Variants in EEF2 observed in about 807,000 individuals in gnomAD.
EEF2 encodes the protein elongation factor 2.
EEF2 carries 21 observed loss-of-function variants against 85.3 expected under a neutral mutation model. The observed-to-expected ratio is 0.25, with a 90% CI of 0.17 to 0.35. The LOEUF (loss-of-function observed/expected upper bound fraction) is 0.35, where lower values mean the gene tolerates loss of function less well. Among genes scored for constraint, EEF2 ranks in the 10% least tolerant of loss-of-function variants. The pLI is 1.00. For missense variants in EEF2, 825 were observed against 1,225.3 expected (o/e 0.67, Z 4.88); for synonymous variants, 723 against 508.8 (o/e 1.42, Z -5.67).
At chr19:3,978,208 G>GA in intron 11 of EEF2, 36 bp from the exon 12 acceptor site, 3 of 1,431,038 alleles carry the variant, frequency 2.1e-6, no homozygotes, top group Non-Finnish European at 2.8e-6. Flanking sequence ...CTTGCCTGGA[G>GA]AAAGAGGTGA....
In EEF2 at chr19:3,976,343, C is replaced by T. The variant is rs1007551331; in HGVS notation, c.*211G>A. 8 of 339,946 alleles carry T rather than the reference C, an allele frequency of 2.4e-5. No homozygotes were observed. Among genetic ancestry groups the T allele is most frequent in the South Asian group, 9.0e-5 (4 of 44,274 alleles). 21.1% of individuals were successfully genotyped at this position (339,946 alleles called of 1,614,324 possible). ...GCCCATTAAGTCCCTACTAAGAGGG[C>T]GTGTCTGCTGCCTCCGGACTCTGGA... On this transcript the variant is annotated 3_prime_UTR_variant, in exon 15 of 15. Coordinates refer to ENST00000309311, the MANE Select transcript of EEF2 (RefSeq NM_001961.4).
At chr19:3,980,794 G>A (rs1286475447) in intron 8 of EEF2, 47 bp downstream of exon 8, 13 of 1,587,994 alleles carry the variant, frequency 8.2e-6, no homozygotes, top group Non-Finnish European at 1.1e-5. Flanking sequence ...TGGGCAACAG[G>A]AAGTCATCCG....
Position 3,978,831 on chromosome 19 carries a change from A to AAAAAAAAAG in EEF2, c.1713+497_1713+498insCTTTTTTTT, listed in dbSNP as rs1568199563. Among the ~76,000 whole-genome samples, 3 of 131,886 alleles carry AAAAAAAAAG rather than the reference A, an allele frequency of 2.3e-5. 1 individual carries two copies. Among genetic ancestry groups the AAAAAAAAAG allele is most frequent in the Non-Finnish European group, 3.2e-5 (2 of 62,302 alleles). 86.5% of individuals were successfully genotyped at this position (131,886 alleles called of 152,430 possible). On this transcript the variant is annotated intron_variant, in intron 11 of 14. Coordinates refer to ENST00000309311, the MANE Select transcript of EEF2 (RefSeq NM_001961.4). Reference sequence around the variant, plus strand: ...AAAAAAAAAAAAAAAAAAAAAAAAAATAGCCCTGGGCCAGGCATGGTGGCT... The same window carrying AAAAAAAAAG: ...AAAAAAAAAAAAAAAAAAAAAAAAAAAAAAAAAAGTAGCCCTGGGCCAGGCATGGTGGCT...
Position 3,976,672 on chromosome 19 carries a change from A to C in EEF2, c.2459T>G (p.Leu820Arg). 1 of 1,608,756 alleles carries C rather than the reference A, an allele frequency of 6.2e-7. No individual in the cohort carries two copies. The highest frequency in any genetic ancestry group is 8.5e-7 in the Non-Finnish European group (1 of 1,178,646). Residue 820 changes from leucine to arginine, a missense_variant, in exon 15 of 15, where the codon CTG (leucine) becomes CGG (arginine). Physicochemically the swap from Leu to Arg is moderately radical, Grantham distance 102. Coordinates refer to ENST00000309311, the MANE Select transcript of EEF2 (RefSeq NM_001961.4). ...GCTGTTGTCGAAGGGGTCTCCGGGCAGGATCTGCCAGTGGTCAAACACACA... is the reference window on the plus strand; with the variant it reads ...GCTGTTGTCGAAGGGGTCTCCGGGCCGGATCTGCCAGTGGTCAAACACACA... ...PQCVFDHWQI[L>R]PGDPFDNSSR...
intron 11 of EEF2, among the ~76,000 whole-genome samples, chr19:3,978,803 CAAAAA>C (rs58074233): frequency 2.7e-3 from 100 of 36,820 alleles, no homozygotes; most frequent in Admixed American, 9.1e-3. Flanking sequence ...ACTCTTGTCT[CAAAAA>C]AAAAAAAAAA....
intron 11 of EEF2, 114 bp downstream of exon 11, chr19:3,979,215 G>A (rs2039714617): frequency 6.5e-6 from 5 of 771,854 alleles, no homozygotes; most frequent in South Asian, 3.5e-5. Context: ...AAGAAGCTGA[G>A]ACCAAGACCG....
chr19:3,979,824 G>C lies in EEF2; in HGVS notation c.1589C>G (p.Ser530Cys). The change falls in exon 10 of 15, where the codon TCC (serine) becomes TGC (cysteine). Residue 530 changes from serine to cysteine, a missense_variant. Coordinates refer to ENST00000309311, the MANE Select transcript of EEF2 (RefSeq NM_001961.4). Reference sequence around the variant, plus strand: ...CGTGCCCACCTGCACCATGGGGTCGGACTTGGCCAGCCGCTTCAGCCCCTC... The same window carrying C: ...CGTGCCCACCTGCACCATGGGGTCGCACTTGGCCAGCCGCTTCAGCCCCTC... ...LVEGLKRLAK[S>C]DPMVQCIIEE... 6.2e-7 allele frequency: 1 copy of C among 1,613,142 alleles called. No individual in the cohort carries two copies.
intron 1 of EEF2, 30 bp downstream of exon 1, chr19:3,985,348 C>A: frequency 6.8e-7 from 1 of 1,466,356 alleles, no homozygotes; most frequent in Non-Finnish European, 9.1e-7. Flanking sequence ...CGCCGCCGCT[C>A]CGGGGCACCA....
In EEF2 at chr19:3,977,279, C is replaced by T. The variant is rs757087170; in HGVS notation, c.2319G>A (p.Glu773=). Residue 773 remains glutamate, a synonymous_variant, in exon 14 of 15, where the codon GAG becomes GAA. Coordinates refer to ENST00000309311, the MANE Select transcript of EEF2 (RefSeq NM_001961.4). This position sits in a 1 kb window ranked among gnomAD's most constrained non-coding sequence, Gnocchi z 5.4. The part of the protein sequence containing the change: ...LNRKRGHVFE[E]SQVAGTPMFV... ...ACATGGGGGTGCCGGCCACCTGGGA[C>T]TCCTCGAACACGTGGCCCCGCTTCC... is the stretch of plus-strand genomic sequence containing the variant. 2 of 1,611,700 alleles carry T rather than the reference C, an allele frequency of 1.2e-6. No individual in the cohort carries two copies. Among genetic ancestry groups the T allele is most frequent in the South Asian group, 1.1e-5 (1 of 90,762 alleles).
At chr19:3,982,467 G>C (rs140332685) in intron 4 of EEF2, 43 bp from the exon 5 acceptor site, 2 of 1,612,336 alleles carry the variant, frequency 1.2e-6, no homozygotes, top group Non-Finnish European at 1.7e-6. Flanking sequence ...GGGCCCCTGC[G>C]CAGAGCCTGA....
chr19:3,982,071 G>A lies in EEF2; in HGVS notation c.792-19C>T, dbSNP rs1324664657. 1.9e-6 allele frequency: 3 copies of A among 1,613,394 alleles called. No homozygotes were observed. The highest frequency in any genetic ancestry group is 1.7e-5 in the Admixed American group (1 of 60,002). ...AAAGTACCTGGCAAGGAGAGGCCAA[G>A]CCAAATCAAGTTAGGGTCTCCAGGG... On this transcript the variant is annotated intron_variant, in intron 5 of 14. Transcript: ENST00000309311.
chr19:3,980,396 T>G, intron 9 of EEF2, 118 bp downstream of exon 9: 1 of 1,284,984 alleles, frequency 7.8e-7, no homozygotes, highest in Non-Finnish European at 1.1e-6. Flanking sequence ...GGCACAAGTA[T>G]CACCCTATAT....
chr19:3,978,850 G>T (rs2039709352), intron 11 of EEF2, among the ~76,000 whole-genome samples: 1 of 141,296 alleles, frequency 7.1e-6, no homozygotes, highest in Non-Finnish European at 1.5e-5. Context: ...GGCCAGGCAT[G>T]GTGGCTCACA....
chr19:3,982,444 G>C lies in EEF2; in HGVS notation c.613-20C>G, dbSNP rs529744019. 42 of 1,613,640 alleles carry C rather than the reference G, an allele frequency of 2.6e-5. No individual in the cohort carries two copies. The highest frequency in any genetic ancestry group is 3.3e-5 in the Non-Finnish European group (39 of 1,180,038). On this transcript the variant is annotated intron_variant, in intron 4 of 14. Transcript: ENST00000309311. ...ATCGATCTGGAAGTGTGAGAAACGA[G>C]AAGCAGCCGTGAGGGCCCCTGCGCA...
In EEF2 at chr19:3,980,554, G is replaced by C. The variant is rs150273974; in HGVS notation, c.1306C>G (p.Pro436Ala). The C allele has an allele frequency of 1.9e-6, 3 of 1,614,078 alleles. No homozygotes were observed. The highest frequency in any genetic ancestry group is 1.6e-4 in the Middle Eastern group (1 of 6,082). The change falls in exon 9 of 15, where the codon CCT (proline) becomes GCT (alanine). Residue 436 changes from proline to alanine, a missense_variant. Coordinates refer to ENST00000309311, the MANE Select transcript of EEF2 (RefSeq NM_001961.4). ...AGGTAGAGGTCCTCCTTCTTCCCAG[G>C]GGTATAGTTGGGCCCCATGATCCTG... ...KVRIMGPNYT[P>A]GKKEDLYLKP...
rs747874700 is a variant in EEF2 at position 3,979,409 on chromosome 19, T to C, written c.1633A>G (p.Ile545Val). 1.2e-6 allele frequency: 2 copies of C among 1,613,906 alleles called. No homozygotes were observed. Among genetic ancestry groups the C allele is most frequent in the African/African-American group, 1.3e-5 (1 of 75,032 alleles). The change falls in exon 11 of 15, where the codon ATC becomes GTC. Residue 545 changes from isoleucine (I) to valine (V), a missense_variant. Coordinates refer to ENST00000309311, the MANE Select transcript of EEF2 (RefSeq NM_001961.4). ...QCIIEESGEH[I>V]IAGAGELHLE... is the part of the protein sequence containing the mutation. ...TGCAGCTCGCCGGCGCCCGCGATGATATGCTCTCCCGACTCCTCGATGATG... is the reference window on the plus strand; with the variant it reads ...TGCAGCTCGCCGGCGCCCGCGATGACATGCTCTCCCGACTCCTCGATGATG...
chr19:3,979,086 C>T (rs2039712451), intron 11 of EEF2, among the ~76,000 whole-genome samples: 1 of 152,182 alleles, frequency 6.6e-6, no homozygotes, highest in East Asian at 1.9e-4. Context: ...GAGCCAAGAT[C>T]ACGCCACTGC....
chr19:3,979,292 G>A, intron 11 of EEF2, 37 bp downstream of exon 11: 2 of 1,551,754 alleles, frequency 1.3e-6, no homozygotes, highest in Non-Finnish European at 8.9e-7. Flanking sequence ...AGGTGTCCGG[G>A]GTGGGGCGTG....
Position 3,977,371 on chromosome 19 carries a change from GT to G in EEF2, c.2251-25del. On this transcript the variant is annotated intron_variant, in intron 13 of 14. Transcript: ENST00000309311. The surrounding 1 kb of genome is among the most constrained non-coding windows in gnomAD (Gnocchi z 5.4). ...CACTGCCAGAAGGGAAAGAAAACCT[GT>G]CAGTGGCCGCTGGGCAGGACGGTGG... The G allele has an allele frequency of 2.3e-5, 36 of 1,590,946 alleles. No homozygotes were observed. The highest frequency in any genetic ancestry group is 3.1e-5 in the Non-Finnish European group (36 of 1,169,244).
Sources: allele counts gnomAD v4.1 joint callset (sites outside exome capture counted in the v4.1 genomes callset), GRCh38; gene constraint gnomAD v4.1.1; non-coding constraint Gnocchi (gnomAD v3.1); transcripts MANE v1.5; gene names NCBI Gene and HGNC (gene_info 2026-07-23, HGNC 2026-07-21).